RFTN1: variants seen among roughly 807,000 people sequenced by gnomAD.
The protein encoded by RFTN1 is raftlin.
RFTN1 carries 26 observed loss-of-function variants against 46.5 expected under a neutral mutation model. That is an observed-to-expected ratio of 0.56 (90% confidence interval 0.41 to 0.78). The LOEUF is 0.78. Ranked by LOEUF, RFTN1 falls within the 30% of genes least tolerant of loss-of-function variation. The pLI is 0.00. For synonymous variants in RFTN1, 261 were observed against 284.2 expected, an observed-to-expected ratio of 0.92 and a Z score of 0.82; for missense variants, 693 against 718.7, an observed-to-expected ratio of 0.96 and a Z score of 0.41.
At chr3:16,350,893 C>A (rs1016184560) in intron 7 of RFTN1, among the ~76,000 whole-genome samples, 1 of 152,150 alleles carries the variant, frequency 6.6e-6, no homozygotes, top group African/African-American at 2.4e-5. Flanking sequence ...TTAAAAAGAA[C>A]AAATATTGGC....
intron 4 of RFTN1, among the ~76,000 whole-genome samples, chr3:16,389,063 C>T (rs1186771956): frequency 6.6e-6 from 1 of 152,200 alleles, no homozygotes; most frequent in African/African-American, 2.4e-5. Flanking sequence ...CTCTTCACAC[C>T]ACACTGCTTT....
At chr3:16,350,899 T>C (rs558499527) in intron 7 of RFTN1, among the ~76,000 whole-genome samples, 2 of 152,318 alleles carry the variant, frequency 1.3e-5, no homozygotes, top group South Asian at 4.1e-4. Flanking sequence ...AGAACAAATA[T>C]TGGCTCCCTT....
rs2125002632 is a variant in RFTN1 at position 16,500,103 on chromosome 3, T to C, written c.-8-6226A>G. On this transcript the variant is annotated intron_variant, in intron 1 of 9. Coordinates refer to ENST00000334133, the MANE Select transcript of RFTN1 (RefSeq NM_015150.2). The surrounding 1 kb of genome is among the most constrained non-coding windows in gnomAD (Gnocchi z 5.9). ...CGGTGCTATTCACTGACTTTTTCTCTGGTTGTTGCTTGTTTTTGTAAAAAA... is the reference window on the plus strand; with the variant it reads ...CGGTGCTATTCACTGACTTTTTCTCCGGTTGTTGCTTGTTTTTGTAAAAAA... Among the ~76,000 whole-genome samples, 1 of 152,364 alleles carries C rather than the reference T, an allele frequency of 6.6e-6. No homozygotes were observed. The highest frequency in any genetic ancestry group is 3.4e-3 in the Middle Eastern group (1 of 294).
At position 16,483,248 on chromosome 3, in the gene RFTN1, A is replaced by G. The variant is rs997978177; in HGVS notation, c.145+10477T>C. 6.6e-6 allele frequency among the ~76,000 whole-genome samples: 1 copy of G among 152,218 alleles called. No homozygotes were observed. Among genetic ancestry groups the G allele is most frequent in the African/African-American group, 2.4e-5 (1 of 41,458 alleles). ...CTAAAGGAACCCCATGGTGAAACCCACTTTAAACCAAGAATCCTCCTGTAA... is the reference window on the plus strand; with the variant it reads ...CTAAAGGAACCCCATGGTGAAACCCGCTTTAAACCAAGAATCCTCCTGTAA... On this transcript the variant is annotated intron_variant, in intron 2 of 9. Transcript: ENST00000334133. The surrounding 1 kb of genome is among the most constrained non-coding windows in gnomAD (Gnocchi z 4.8).
rs1404037368 is a variant in RFTN1, at chr3:16,506,649, C to T, written c.-9+6793G>A. Reference sequence around the variant, plus strand: ...CATCTTCTGAGATGGGTAGAAGAAGCCAGGAGTTAGCCATGTTAACTCCAC... The same window carrying T: ...CATCTTCTGAGATGGGTAGAAGAAGTCAGGAGTTAGCCATGTTAACTCCAC... On this transcript the variant is annotated intron_variant, in intron 1 of 9. Coordinates refer to ENST00000334133, the MANE Select transcript of RFTN1 (RefSeq NM_015150.2). The surrounding 1 kb of genome is among the most constrained non-coding windows in gnomAD (Gnocchi z 4.8). Among the ~76,000 whole-genome samples, 1 of 151,910 alleles carries T rather than the reference C, an allele frequency of 6.6e-6. No individual in the cohort carries two copies. Among genetic ancestry groups the T allele is most frequent in the African/African-American group, 2.4e-5 (1 of 41,324 alleles).
Position 16,460,710 on chromosome 3 carries a change from C to T in RFTN1, c.146-26673G>A, listed in dbSNP as rs1249917464. Among the ~76,000 whole-genome samples, 3 of 152,124 alleles carry T rather than the reference C, an allele frequency of 2.0e-5. No homozygotes were observed. The highest frequency in any genetic ancestry group is 4.8e-5 in the African/African-American group (2 of 41,424). ...CTAACGCAAGAGACACGTGAGCAGACGTCACTTGAGCCTCATTTTCCATGC... is the reference window on the plus strand; with the variant it reads ...CTAACGCAAGAGACACGTGAGCAGATGTCACTTGAGCCTCATTTTCCATGC... On this transcript the variant is annotated intron_variant, in intron 2 of 9. Transcript: ENST00000334133. This position sits in a 1 kb window ranked among gnomAD's most constrained non-coding sequence, Gnocchi z 4.8.
Position 16,421,806 on chromosome 3 carries a change from G to A in RFTN1, c.332+12045C>T, listed in dbSNP as rs2075192254. Among the ~76,000 whole-genome samples the A allele has an allele frequency of 6.6e-6, 1 of 152,094 alleles. No homozygotes were observed. Among genetic ancestry groups the A allele is most frequent in the African/African-American group, 2.4e-5 (1 of 41,414 alleles). ...AATCACTTCATAGAAATTTTTTAAA[G>A]CCATGTGTATATTTCATGAGAGTTA... On this transcript the variant is annotated intron_variant, in intron 3 of 9. Transcript: ENST00000334133. The surrounding 1 kb of genome is among the most constrained non-coding windows in gnomAD (Gnocchi z 4.6).
chr3:16,505,939 A>G (rs1348262245), intron 1 of RFTN1, among the ~76,000 whole-genome samples: 1 of 152,242 alleles, frequency 6.6e-6, no homozygotes, highest in Non-Finnish European at 1.5e-5. Flanking sequence ...AATGCCAGTG[A>G]TACCAAAGTA....
Position 16,370,057 on chromosome 3 carries a change from C to A in RFTN1, c.1030+19G>T, listed in dbSNP as rs1575156809. 6.2e-7 allele frequency: 1 copy of A among 1,611,456 alleles called. No individual in the cohort carries two copies. The highest frequency in any genetic ancestry group is 8.5e-7 in the Non-Finnish European group (1 of 1,177,512). ...GAGTTCACAAAGGGCCACCCAAGGA[C>A]TGTGAATTCCAAACATACCATTCAC... On this transcript the variant is annotated intron_variant, in intron 6 of 9. Transcript: ENST00000334133. This position sits in a 1 kb window ranked among gnomAD's most constrained non-coding sequence, Gnocchi z 5.5.
In RFTN1 at chr3:16,506,304, A is replaced by G. The variant is rs1376888956; in HGVS notation, c.-9+7138T>C. Among the ~76,000 whole-genome samples the G allele has an allele frequency of 6.6e-6, 1 of 152,132 alleles. No individual in the cohort carries two copies. Among genetic ancestry groups the G allele is most frequent in the Non-Finnish European group, 1.5e-5 (1 of 68,020 alleles). On this transcript the variant is annotated intron_variant, in intron 1 of 9. Transcript: ENST00000334133. The surrounding 1 kb of genome is among the most constrained non-coding windows in gnomAD (Gnocchi z 4.8). ...GCCCCTGGGAGGCTGAGCAGACCTCAGGGTGAAGTCAAACAGGGCTGGGGA... is the reference window on the plus strand; with the variant it reads ...GCCCCTGGGAGGCTGAGCAGACCTCGGGGTGAAGTCAAACAGGGCTGGGGA...
At chr3:16,379,786 T>C (rs1056683301) in intron 4 of RFTN1, among the ~76,000 whole-genome samples, 50 of 152,214 alleles carry the variant, frequency 3.3e-4, no homozygotes, top group African/African-American at 1.1e-3. Context: ...TATCCACCTA[T>C]GTTAAAAATT....
intron 2 of RFTN1, among the ~76,000 whole-genome samples, chr3:16,461,990 C>T (rs1369464570): frequency 6.6e-6 from 1 of 152,186 alleles, no homozygotes; most frequent in African/African-American, 2.4e-5. Context: ...TAGGAAGTAC[C>T]ATCCAGGGCC....
In RFTN1 at chr3:16,370,348, T is replaced by C. The variant is rs2073445776; in HGVS notation, c.827-69A>G. On this transcript the variant is annotated intron_variant, in intron 5 of 9. Transcript: ENST00000334133. This position sits in a 1 kb window ranked among gnomAD's most constrained non-coding sequence, Gnocchi z 5.5. ...GATGATAAAAATCTGTTTCATCGGC[T>C]TAAGTGGAATCTCTCAGGAGCCTGA... The C allele has an allele frequency of 4.9e-6, 7 of 1,424,304 alleles. No individual in the cohort carries two copies. The highest frequency in any genetic ancestry group is 5.9e-6 in the Non-Finnish European group (6 of 1,008,816). 88.2% of individuals were successfully genotyped at this position (1,424,304 alleles called of 1,614,324 possible). A position where few individuals can be genotyped will look rare whatever the true frequency, so the allele number is the denominator to read the frequency against.
Position 16,460,763 on chromosome 3 carries a change from C to G in RFTN1, c.146-26726G>C, listed in dbSNP as rs2075995263. 6.6e-6 allele frequency among the ~76,000 whole-genome samples: 1 copy of G among 152,088 alleles called. No homozygotes were observed. Among genetic ancestry groups the G allele is most frequent in the African/African-American group, 2.4e-5 (1 of 41,390 alleles). ...AAATTCAGGATTTAAGGTCTAAAAC[C>G]ATAGAGAATATTTTAGAGCTAGATG... is the stretch of plus-strand genomic sequence containing the variant. On this transcript the variant is annotated intron_variant, in intron 2 of 9. Coordinates refer to ENST00000334133, the MANE Select transcript of RFTN1 (RefSeq NM_015150.2). This position sits in a 1 kb window ranked among gnomAD's most constrained non-coding sequence, Gnocchi z 4.8.
At chr3:16,347,865 G>A (rs1358228884) in intron 7 of RFTN1, 1 of 152,222 alleles carries the variant, frequency 6.6e-6, no homozygotes, top group Non-Finnish European at 1.5e-5. Flanking sequence ...TTCCCTATAA[G>A]GAGACCCTAA....
At chr3:16,326,095 T>C (rs1266282977) in intron 8 of RFTN1, among the ~76,000 whole-genome samples, 2 of 152,250 alleles carry the variant, frequency 1.3e-5, no homozygotes, top group Non-Finnish European at 2.9e-5. Context: ...ATATCCATGC[T>C]TACAACCCCA....
intron 8 of RFTN1, among the ~76,000 whole-genome samples, chr3:16,324,646 T>TTG (rs71632869): frequency 0.11 from 10,675 of 100,236 alleles, 765 homozygotes; most frequent in East Asian, 0.31. Context: ...TAGTATTCCA[T>TTG]TGTGTGTGTG....
In RFTN1 at chr3:16,413,660, G is replaced by A. The variant is rs373780074; in HGVS notation, c.333-4177C>T. 6.6e-6 allele frequency among the ~76,000 whole-genome samples: 1 copy of A among 152,190 alleles called. No homozygotes were observed. The highest frequency in any genetic ancestry group is 1.5e-5 in the Non-Finnish European group (1 of 68,038). On this transcript the variant is annotated intron_variant, in intron 3 of 9. Coordinates refer to ENST00000334133, the MANE Select transcript of RFTN1 (RefSeq NM_015150.2). The surrounding 1 kb of genome is among the most constrained non-coding windows in gnomAD (Gnocchi z 4.7). ...GAGACGTACACAGGGTTAACTAACA[G>A]CAAAAGCCCCCCCAACCTACTTTAT... is the stretch of plus-strand genomic sequence containing the variant.
chr3:16,379,443 C>T (rs1157718742), intron 4 of RFTN1, among the ~76,000 whole-genome samples: 3 of 152,218 alleles, frequency 2.0e-5, no homozygotes, highest in African/African-American at 4.8e-5. Flanking sequence ...AACAACAAAA[C>T]GTTTCATCCT....
Sources: allele counts gnomAD v4.1 joint callset (sites outside exome capture counted in the v4.1 genomes callset), GRCh38; gene constraint gnomAD v4.1.1; non-coding constraint Gnocchi (gnomAD v3.1); transcripts MANE v1.5; gene names NCBI Gene and HGNC (gene_info 2026-07-23, HGNC 2026-07-21).